RPS28: variants seen among roughly 807,000 people sequenced by gnomAD.
RPS28 encodes the protein ribosomal protein S28.
A neutral mutation model predicts 9.4 loss-of-function variants in RPS28; 2 were observed. The observed-to-expected ratio is 0.21, with a 90% CI of 0.09 to 0.67. The LOEUF (loss-of-function observed/expected upper bound fraction) is 0.67. Among genes scored for constraint, RPS28 ranks in the 30% least tolerant of loss-of-function variants. The pLI is 0.82. For synonymous variants in RPS28, 41 were observed against 37.8 expected, an observed-to-expected ratio of 1.08 and a Z score of -0.31; for missense variants, 35 against 95.3, an observed-to-expected ratio of 0.37 and a Z score of 2.63.
rs767339374 is a variant in RPS28, at chr19:8,322,871, C to T, written c.*616C>T. 6.3e-7 allele frequency: 1 copy of T among 1,590,032 alleles called. No individual in the cohort carries two copies. ...ACCTGGGGGTTCTCTCCATTGTCAC[C>T]GCATTCTCCTTCACCAGGTGTGGCT... On this transcript the variant is annotated 3_prime_UTR_variant, in exon 4 of 4. Transcript: ENST00000600659.
At chr19:8,322,213 C>T in intron 3 of RPS28, 59 bp from the exon 4 acceptor site, 1 of 1,129,958 alleles carries the variant, frequency 8.8e-7, no homozygotes, top group Non-Finnish European at 1.3e-6. Flanking sequence ...AAGAGGGAGG[C>T]GGGAGTTTGC....
Position 8,321,877 on chromosome 19 carries a change from A to G in RPS28, c.88-76A>G, listed in dbSNP as rs1439668335. 3.8e-6 allele frequency: 6 copies of G among 1,581,502 alleles called. No homozygotes were observed. The African/African-American group carries it at 5.4e-5, about 14-fold the overall frequency. On this transcript the variant is annotated intron_variant, in intron 2 of 3. Coordinates refer to ENST00000600659, the MANE Select transcript of RPS28 (RefSeq NM_001031.5). ...TGGCCCCGACACGTTCTCTGAATTC[A>G]TATCTGCTTCCCACTCCGCGGTGCC...
Position 8,322,414 on chromosome 19 carries a change from G to T in RPS28, c.*159G>T, listed in dbSNP as rs541383410. On this transcript the variant is annotated 3_prime_UTR_variant, in exon 4 of 4. Coordinates refer to ENST00000600659, the MANE Select transcript of RPS28 (RefSeq NM_001031.5). ...CAAGTTAACTCAGGTTCTTGTCTGG[G>T]TTATACGACTAGGGTTTCTCCAGGT... 140 of 549,122 alleles carry T rather than the reference G, an allele frequency of 2.5e-4. No homozygotes were observed. The highest frequency in any genetic ancestry group is 1.0e-3 in the Middle Eastern group (2 of 1,996). 34.0% of individuals were successfully genotyped at this position (549,122 alleles called of 1,614,324 possible).
rs1415680349 is a variant in RPS28, at chr19:8,322,548, T to TCG, written c.*294_*295dup. On this transcript the variant is annotated 3_prime_UTR_variant, in exon 4 of 4. Coordinates refer to ENST00000600659, the MANE Select transcript of RPS28 (RefSeq NM_001031.5). ...TTTTTGAGGCGGGGGGTCGTGTTTG[T>TCG]CGATTGCACCCTCTACCCCAAACAA... 4 of 507,406 alleles carry TCG rather than the reference T, an allele frequency of 7.9e-6. No individual in the cohort carries two copies. The highest frequency in any genetic ancestry group is 7.7e-5 in the African/African-American group (4 of 51,684). 31.4% of individuals were successfully genotyped at this position (507,406 alleles called of 1,614,324 possible). A position where few individuals can be genotyped will look rare whatever the true frequency, so the allele number is the denominator to read the frequency against.
rs35187115 is a variant in RPS28, at chr19:8,322,925, GGA to G, written c.*676_*677del. On this transcript the variant is annotated 3_prime_UTR_variant, in exon 4 of 4. Coordinates refer to ENST00000600659, the MANE Select transcript of RPS28 (RefSeq NM_001031.5). ...TGGGAGCCAGGGGGTGACTCGCTCT[GGA>G]GAGAGGGGAAAAGAGGGGGGCCTGC... 0.12 allele frequency: 177,970 copies of G among 1,487,526 alleles called. 12,099 individuals are homozygous for G. Among genetic ancestry groups the G allele is most frequent in the African/African-American group, 0.26 (17,954 of 69,142 alleles). The allele number at this position is 1,487,526 out of a possible 1,614,324, so 92.1% of individuals were successfully genotyped here.
rs377064503 is a variant in RPS28, at chr19:8,322,795, G to A, written c.*540G>A. Reference sequence around the variant, plus strand: ...CGCCAAAGGCTGAGGTGACTGACGAGGAGATCTCCCCACAGCTAGGTGTAG... The same window carrying A: ...CGCCAAAGGCTGAGGTGACTGACGAAGAGATCTCCCCACAGCTAGGTGTAG... On this transcript the variant is annotated 3_prime_UTR_variant, in exon 4 of 4. Coordinates refer to ENST00000600659, the MANE Select transcript of RPS28 (RefSeq NM_001031.5). The A allele has an allele frequency of 1.4e-6, 2 of 1,436,920 alleles. No individual in the cohort carries two copies. Among genetic ancestry groups the A allele is most frequent in the Admixed American group, 3.5e-5 (2 of 57,332 alleles). The allele number at this position is 1,436,920 out of a possible 1,614,324, so 89.0% of individuals were successfully genotyped here.
At position 8,321,652 on chromosome 19, in the gene RPS28, C is replaced by T. The variant is rs373418379; in HGVS notation, c.40-4C>T. The T allele has an allele frequency of 1.9e-6, 3 of 1,557,102 alleles. No individual in the cohort carries two copies. Among genetic ancestry groups the T allele is most frequent in the African/African-American group, 2.7e-5 (2 of 73,344 alleles). Reference sequence around the variant, plus strand: ...CGGGTCTGAACCCAGCTTCTTTCCTCCAGGTCACCAAGGTCCTGGGCAGGA... The same window carrying T: ...CGGGTCTGAACCCAGCTTCTTTCCTTCAGGTCACCAAGGTCCTGGGCAGGA... On this transcript the variant is annotated splice_region_variant and splice_polypyrimidine_tract_variant and intron_variant, in intron 1 of 3. Coordinates refer to ENST00000600659, the MANE Select transcript of RPS28 (RefSeq NM_001031.5).
In RPS28 at chr19:8,321,521, C is replaced by T. The variant is rs764968275; in HGVS notation, c.-10C>T. On this transcript the variant is annotated 5_prime_UTR_variant, in exon 1 of 4. Transcript: ENST00000600659. ...ACTCCTCTCCGCCAGACCGCCGCCG[C>T]GCCGCCATCATGGACACCAGCCGTG... 5.7e-6 allele frequency: 9 copies of T among 1,581,856 alleles called. No individual in the cohort carries two copies. The highest frequency in any genetic ancestry group is 2.1e-4 in the Middle Eastern group (1 of 4,654).
rs140801793 is a variant in RPS28 at position 8,322,919 on chromosome 19, C to T, written c.*664C>T. The stretch of plus-strand genomic sequence containing the variant: ...GCTGTCTGGGAGCCAGGGGGTGACT[C>T]GCTCTGGAGAGAGGGGAAAAGAGGG... On this transcript the variant is annotated 3_prime_UTR_variant, in exon 4 of 4. Coordinates refer to ENST00000600659, the MANE Select transcript of RPS28 (RefSeq NM_001031.5). The T allele has an allele frequency of 5.3e-4, 804 of 1,511,660 alleles. No individual in the cohort carries two copies. The highest frequency in any genetic ancestry group is 6.8e-4 in the Non-Finnish European group (770 of 1,128,532). 93.6% of individuals were successfully genotyped at this position (1,511,660 alleles called of 1,614,324 possible).
At chr19:8,322,235 G>A in intron 3 of RPS28, 37 bp from the exon 4 acceptor site, 1 of 916,600 alleles carries the variant, frequency 1.1e-6, no homozygotes, top group Non-Finnish European at 1.7e-6. Flanking sequence ...AATTGCTGCG[G>A]GGCCTGTCAA....
intron 1 of RPS28, 40 bp downstream of exon 1, chr19:8,321,609 T>C (rs1192899893): frequency 4.5e-6 from 7 of 1,564,750 alleles, no homozygotes; most frequent in Non-Finnish European, 5.2e-6. Context: ...GGGGAGGGAT[T>C]AGAGGAGCCA....
At position 8,321,972 on chromosome 19, in the gene RPS28, A is replaced by T; in HGVS notation, c.107A>T (p.Asp36Val). 6.2e-7 allele frequency: 1 copy of T among 1,609,816 alleles called. No homozygotes were observed. The highest frequency in any genetic ancestry group is 8.5e-7 in the Non-Finnish European group (1 of 1,178,566). Reference sequence around the variant, plus strand: ...CCGTAGGTGCGCGTGGAATTCATGGACGACACGAGCCGATCCATCATCCGC... The same window carrying T: ...CCGTAGGTGCGCGTGGAATTCATGGTCGACACGAGCCGATCCATCATCCGC... Reference protein sequence around the residue: ...QCTQVRVEFMDDTSRSIIRNV... With the variant: ...QCTQVRVEFMVDTSRSIIRNV... Residue 36 changes from aspartate (D) to valine (V), a missense_variant, in exon 3 of 4, where the codon GAC becomes GTC. By Grantham distance (152) the Asp-to-Val change is radical. This residue lies in a region of RPS28 where 10 missense variants were observed against 62.8 expected (regional missense o/e 0.16). Coordinates refer to ENST00000600659, the MANE Select transcript of RPS28 (RefSeq NM_001031.5).
rs147831975 is a variant in RPS28 at position 8,322,887 on chromosome 19, A to T, written c.*632A>T. 22 of 1,571,800 alleles carry T rather than the reference A, an allele frequency of 1.4e-5. No homozygotes were observed. The highest frequency in any genetic ancestry group is 1.8e-5 in the Non-Finnish European group (21 of 1,159,246). On this transcript the variant is annotated 3_prime_UTR_variant, in exon 4 of 4. Transcript: ENST00000600659. ...CATTGTCACCGCATTCTCCTTCACCAGGTGTGGCTGTCTGGGAGCCAGGGG... is the reference window on the plus strand; with the variant it reads ...CATTGTCACCGCATTCTCCTTCACCTGGTGTGGCTGTCTGGGAGCCAGGGG...
Position 8,322,309 on chromosome 19 carries a change from A to C in RPS28, c.*54A>C. ...CGGGTTCGACCACTTGGCCGATGGG[A>C]ATGGTCTGTCACAGTCTGCTCCTTT... On this transcript the variant is annotated 3_prime_UTR_variant, in exon 4 of 4. Coordinates refer to ENST00000600659, the MANE Select transcript of RPS28 (RefSeq NM_001031.5). 1.5e-6 allele frequency: 1 copy of C among 682,814 alleles called. No individual in the cohort carries two copies. 42.3% of individuals were successfully genotyped at this position (682,814 alleles called of 1,614,324 possible). A position where few individuals can be genotyped will look rare whatever the true frequency, so the allele number is the denominator to read the frequency against.
In RPS28 at chr19:8,322,939, A is replaced by T; in HGVS notation, c.*684A>T. On this transcript the variant is annotated 3_prime_UTR_variant, in exon 4 of 4. Transcript: ENST00000600659. ...TGACTCGCTCTGGAGAGAGGGGAAA[A>T]GAGGGGGGCCTGCTGCAATCTCCTT... 3 of 1,392,642 alleles carry T rather than the reference A, an allele frequency of 2.2e-6. No individual in the cohort carries two copies. Among genetic ancestry groups the T allele is most frequent in the Non-Finnish European group, 2.9e-6 (3 of 1,031,582 alleles). The allele number at this position is 1,392,642 out of a possible 1,614,324, so 86.3% of individuals were successfully genotyped here. A position where few individuals can be genotyped will look rare whatever the true frequency, so the allele number is the denominator to read the frequency against.
In RPS28 at chr19:8,322,335, T is replaced by C. The variant is rs1970332109; in HGVS notation, c.*80T>C. The stretch of plus-strand genomic sequence containing the variant: ...ATGGTCTGTCACAGTCTGCTCCTTT[T>C]TTTTGTCCGCCACACGTAACTGAGA... On this transcript the variant is annotated 3_prime_UTR_variant, in exon 4 of 4. Coordinates refer to ENST00000600659, the MANE Select transcript of RPS28 (RefSeq NM_001031.5). 1.5e-6 allele frequency: 1 copy of C among 649,686 alleles called. No individual in the cohort carries two copies. Among genetic ancestry groups the C allele is most frequent in the East Asian group, 3.1e-5 (1 of 32,436 alleles). The allele number at this position is 649,686 out of a possible 1,614,324, so 40.2% of individuals were successfully genotyped here.
intron 1 of RPS28, 32 bp downstream of exon 1, chr19:8,321,601 G>A (rs1431332855): frequency 3.2e-6 from 5 of 1,569,232 alleles, no homozygotes; most frequent in Middle Eastern, 4.4e-4. Context: ...GGGGGCAGGG[G>A]GAGGGATTAG....
rs1489666321 is a variant in RPS28, at chr19:8,322,572, A to G, written c.*317A>G. On this transcript the variant is annotated 3_prime_UTR_variant, in exon 4 of 4. Transcript: ENST00000600659. ...GTCGATTGCACCCTCTACCCCAAAC[A>G]AAACACAAGCGTAGTAGGAATGTTT... The G allele has an allele frequency of 9.4e-6, 5 of 530,288 alleles. No individual in the cohort carries two copies. The highest frequency in any genetic ancestry group is 1.7e-5 in the Non-Finnish European group (5 of 294,978). The allele number at this position is 530,288 out of a possible 1,614,324, so 32.8% of individuals were successfully genotyped here.
rs776157677 is a variant in RPS28 at position 8,321,511 on chromosome 19, A to C, written c.-20A>C. The C allele has an allele frequency of 5.4e-5, 85 of 1,575,068 alleles. No individual in the cohort carries two copies. The African/African-American group carries it at 9.7e-4, about 18-fold the overall frequency. Reference sequence around the variant, plus strand: ...GAAGCACGTGACTCCTCTCCGCCAGACCGCCGCCGCGCCGCCATCATGGAC... The same window carrying C: ...GAAGCACGTGACTCCTCTCCGCCAGCCCGCCGCCGCGCCGCCATCATGGAC... On this transcript the variant is annotated 5_prime_UTR_variant, in exon 1 of 4. Transcript: ENST00000600659.
Sources: gnomAD v4.1 joint callset for allele counts on GRCh38, gnomAD v4.1.1 for gene constraint, gnomAD v4.1.1 regional missense constraint, MANE v1.5 for transcripts, NCBI Gene and HGNC (gene_info 2026-07-23, HGNC 2026-07-21) for gene names.